The following DYRK1A variants were observed in gnomAD, a reference collection of about 807,000 sequenced individuals.
The protein encoded by DYRK1A is dual specificity tyrosine-phosphorylation-regulated kinase 1A.
Under a neutral mutation model 79.7 loss-of-function variants are expected in DYRK1A, and 9 were observed. That is an observed-to-expected ratio of 0.11 (90% CI 0.07 to 0.20). DYRK1A has a LOEUF of 0.20. Among genes scored for constraint, DYRK1A ranks in the 10% least tolerant of loss-of-function variants. DYRK1A has a pLI of 1.00. For missense variants in DYRK1A, 622 were observed against 956.0 expected (o/e 0.65, Z 4.61); for synonymous variants, 349 against 329.7 (o/e 1.06, Z -0.63).
At chr21:37,444,294 C>T (rs1472590146) in intron 2 of DYRK1A, among the ~76,000 whole-genome samples, 3 of 152,132 alleles carry the variant, frequency 2.0e-5, no homozygotes, top group Non-Finnish European at 4.4e-5. Context: ...GAATTGAATA[C>T]GTTAATGAGT....
intron 1 of DYRK1A, among the ~76,000 whole-genome samples, chr21:37,397,247 A>C (rs541744911): frequency 7.0e-4 from 107 of 152,320 alleles, no homozygotes; most frequent in Admixed American, 4.2e-3. Context: ...AGTCTCTGCC[A>C]CAACTAGTAT....
chr21:37,393,845 G>C (rs1308528607), intron 1 of DYRK1A, among the ~76,000 whole-genome samples: 2 of 152,210 alleles, frequency 1.3e-5, no homozygotes, highest in African/African-American at 2.4e-5. Flanking sequence ...CTTCCTCCAG[G>C]TGGCCTTTCC....
intron 1 of DYRK1A, among the ~76,000 whole-genome samples, chr21:37,379,578 A>G (rs1377855142): frequency 6.6e-6 from 1 of 152,214 alleles, no homozygotes; most frequent in African/African-American, 2.4e-5. Flanking sequence ...TACATTAGGG[A>G]CAGGTGGAAA....
At chr21:37,507,508 C>T (rs2053631926) in intron 11 of DYRK1A, among the ~76,000 whole-genome samples, 1 of 152,134 alleles carries the variant, frequency 6.6e-6, no homozygotes. Flanking sequence ...CTCCAACTCT[C>T]CTGCCGGTGT....
At chr21:37,389,455 T>C (rs931263034) in intron 1 of DYRK1A, among the ~76,000 whole-genome samples, 1 of 152,182 alleles carries the variant, frequency 6.6e-6, no homozygotes, top group Non-Finnish European at 1.5e-5. Context: ...TGTGAGCTAC[T>C]GTGCTGCCTT....
chr21:37,431,686 C>G (rs1043062015), intron 2 of DYRK1A, among the ~76,000 whole-genome samples: 5 of 152,164 alleles, frequency 3.3e-5, no homozygotes, highest in African/African-American at 1.2e-4. Flanking sequence ...TCATAATGTT[C>G]ATTTTTTTAA....
At chr21:37,465,711 C>T (rs922006738) in intron 2 of DYRK1A, among the ~76,000 whole-genome samples, 3 of 151,982 alleles carry the variant, frequency 2.0e-5, no homozygotes, top group Non-Finnish European at 4.4e-5. Context: ...GTGGCGGGTG[C>T]CTGTAATCCC....
chr21:37,405,129 T>C (rs2050124584), intron 1 of DYRK1A, among the ~76,000 whole-genome samples: 1 of 152,128 alleles, frequency 6.6e-6, no homozygotes, highest in African/African-American at 2.4e-5. Flanking sequence ...ACTTAAATGA[T>C]TTTTTAGTGA....
At chr21:37,390,343 T>C (rs1296845717) in intron 1 of DYRK1A, among the ~76,000 whole-genome samples, 1 of 152,188 alleles carries the variant, frequency 6.6e-6, no homozygotes, top group Non-Finnish European at 1.5e-5. Context: ...CATTTAAACG[T>C]TGTTGGCATG....
intron 7 of DYRK1A, among the ~76,000 whole-genome samples, chr21:37,490,699 C>T (rs1387453414): frequency 6.6e-6 from 1 of 151,590 alleles, no homozygotes; most frequent in East Asian, 1.9e-4. Flanking sequence ...AAATGTAGCA[C>T]TTAATTACCT....
chr21:37,518,702 A>G lies in DYRK1A; in HGVS notation c.*6171A>G, dbSNP rs914092991. 8 of 133,220 alleles carry G rather than the reference A, an allele frequency of 6.0e-5. No homozygotes were observed. The highest frequency in any genetic ancestry group is 1.6e-4 in the Admixed American group (2 of 12,254). 8.3% of individuals were successfully genotyped at this position (133,220 alleles called of 1,614,324 possible). A position where few individuals can be genotyped will look rare whatever the true frequency, so the allele number is the denominator to read the frequency against. Reference sequence around the variant, plus strand: ...GTGATCTCGGCTCACTGCAACCTCCATTTCCCAGATTCAAGCGATTCTCGT... The same window carrying G: ...GTGATCTCGGCTCACTGCAACCTCCGTTTCCCAGATTCAAGCGATTCTCGT... On this transcript the variant is annotated 3_prime_UTR_variant, in exon 12 of 12. Transcript: ENST00000647188.
At position 37,493,009 on chromosome 21, in the gene DYRK1A, T is replaced by C. The variant is rs199804785; in HGVS notation, c.925-8T>C. ...ATTGAAGTAATACTATTTTGAAATATATTTCAGATATACCAGTATATTCAG... is the reference window on the plus strand; with the variant it reads ...ATTGAAGTAATACTATTTTGAAATACATTTCAGATATACCAGTATATTCAG... On this transcript the variant is annotated splice_region_variant and splice_polypyrimidine_tract_variant and intron_variant, in intron 7 of 11. Transcript: ENST00000647188. 51 of 1,583,040 alleles carry C rather than the reference T, an allele frequency of 3.2e-5. No individual in the cohort carries two copies. In the East Asian group the frequency reaches 9.7e-4, roughly 30 times the overall value.
rs1384038532 is a variant in DYRK1A at position 37,496,093 on chromosome 21, TTTG to T, written c.1072-19_1072-17del. The T allele has an allele frequency of 1.3e-5, 20 of 1,591,990 alleles. No homozygotes were observed. Among genetic ancestry groups the T allele is most frequent in the Non-Finnish European group, 1.6e-5 (19 of 1,172,616 alleles). ...TAGATGTACAGTAGAAATTACAGGT[TTTG>T]TTGTTTTTATTTTTAATACAGGTAG... On this transcript the variant is annotated intron_variant, in intron 8 of 11. Transcript: ENST00000647188.
chr21:37,370,084 G>T (rs1172134455), intron 1 of DYRK1A, among the ~76,000 whole-genome samples: 2 of 152,148 alleles, frequency 1.3e-5, no homozygotes, highest in African/African-American at 4.8e-5. Context: ...ATGACTTAAA[G>T]ATATGGGGGT....
At chr21:37,416,711 T>C (rs1362681861) in intron 1 of DYRK1A, among the ~76,000 whole-genome samples, 2 of 152,190 alleles carry the variant, frequency 1.3e-5, no homozygotes, top group African/African-American at 4.8e-5. Flanking sequence ...ATTTTAGATC[T>C]AGTTTTTCTT....
At chr21:37,391,851 G>T (rs1320474952) in intron 1 of DYRK1A, among the ~76,000 whole-genome samples, 1 of 152,196 alleles carries the variant, frequency 6.6e-6, no homozygotes, top group Admixed American at 6.5e-5. Context: ...GTGCTTTTCT[G>T]ATAACGTTTT....
intron 1 of DYRK1A, among the ~76,000 whole-genome samples, chr21:37,383,181 C>G (rs1478963599): frequency 6.6e-6 from 1 of 152,210 alleles, no homozygotes; most frequent in Non-Finnish European, 1.5e-5. Context: ...TCTGTATTCT[C>G]TAGTCAAGGA....
intron 2 of DYRK1A, among the ~76,000 whole-genome samples, chr21:37,436,329 T>C (rs1337657935): frequency 1.3e-5 from 2 of 152,198 alleles, no homozygotes. Context: ...CAAATGTAAG[T>C]GGTCACAGTG....
chr21:37,505,949 A>T, intron 10 of DYRK1A, 150 bp from the exon 11 acceptor site: 1 of 1,006,852 alleles, frequency 9.9e-7, no homozygotes, highest in Non-Finnish European at 1.4e-6. Context: ...GAATATGAAG[A>T]CTTTGTGATA....
Sources: gnomAD v4.1 joint callset for allele counts (sites outside exome capture counted in the v4.1 genomes callset) on GRCh38, gnomAD v4.1.1 for gene constraint, MANE v1.5 for transcripts, NCBI Gene and HGNC (gene_info 2026-07-23, HGNC 2026-07-21) for gene names.